Variants in SAR1A observed in about 807,000 individuals in gnomAD.
SAR1A encodes the protein secretion associated Ras related GTPase 1A.
Under a neutral mutation model 22.6 loss-of-function variants are expected in SAR1A, and 6 were observed. The observed-to-expected ratio is 0.27, with a 90% CI of 0.15 to 0.52. The LOEUF (loss-of-function observed/expected upper bound fraction) is 0.52, where lower values mean the gene tolerates loss of function less well. SAR1A is among the 20% of genes least tolerant of loss of function. SAR1A has a pLI of 0.96. For missense variants in SAR1A, 145 were observed against 245.1 expected, an observed-to-expected ratio of 0.59 and a Z score of 2.73; for synonymous variants, 70 against 82.2, an observed-to-expected ratio of 0.85 and a Z score of 0.80.
chr10:70,165,517 T>A (rs977409937), intron 1 of SAR1A, among the ~76,000 whole-genome samples: 1 of 152,120 alleles, frequency 6.6e-6, no homozygotes, highest in Non-Finnish European at 1.5e-5. Flanking sequence ...AGAAGTAACC[T>A]TAGATGTGGT....
At chr10:70,161,372 C>A in intron 3 of SAR1A, 1 of 555,946 alleles carries the variant, frequency 1.8e-6, no homozygotes, top group South Asian at 2.5e-5. Context: ...AAGCTATTTT[C>A]CACTTCTTAG....
chr10:70,152,492 G>C lies in SAR1A; in HGVS notation c.581C>G (p.Ser194Cys). 3 of 1,612,540 alleles carry C rather than the reference G, an allele frequency of 1.9e-6. No homozygotes were observed. The highest frequency in any genetic ancestry group is 2.5e-6 in the Non-Finnish European group (3 of 1,178,508). Residue 194 changes from serine to cysteine, a missense_variant, in exon 7 of 7, where the codon TCC (serine) becomes TGC (cysteine). By Grantham distance (112) the Ser-to-Cys change is moderately radical. Transcript: ENST00000373241. ...QGYGEGFRWL[S>C]QYID ...GTCCAAACATCAGTCAATATACTGG[G>C]AGAGCCAGCGGAAACCCTCGCCGTA...
rs1839355881 is a variant in SAR1A at position 70,153,872 on chromosome 10, T to C, written c.446A>G (p.Glu149Gly). The C allele has an allele frequency of 1.2e-6, 2 of 1,606,904 alleles. No individual in the cohort carries two copies. The highest frequency in any genetic ancestry group is 1.7e-6 in the Non-Finnish European group (2 of 1,177,886). Residue 149 changes from glutamate to glycine, a missense_variant, in exon 6 of 7, where the codon GAG (glutamate) becomes GGG (glycine). Around this residue, in one of 3 missense-constraint regions of SAR1A, gnomAD observed 83 missense variants for 114.7 expected, o/e 0.72. Transcript: ENST00000373241. ...TDAISEEKLR[E>G]IFGLYGQTTG... is the part of the protein sequence containing the mutation. ...GGTCTGTCCATAAAGCCCAAATATCTCACGGAGTTTTTCTTCACTGATTGC... is the reference window on the plus strand; with the variant it reads ...GGTCTGTCCATAAAGCCCAAATATCCCACGGAGTTTTTCTTCACTGATTGC...
At chr10:70,166,329 A>G (rs1326045356) in intron 1 of SAR1A, among the ~76,000 whole-genome samples, 3 of 152,256 alleles carry the variant, frequency 2.0e-5, no homozygotes, top group Non-Finnish European at 4.4e-5. Flanking sequence ...GCTGTCATCC[A>G]GTGAAGAACA....
chr10:70,164,179 C>T, intron 1 of SAR1A: 3 of 638,218 alleles, frequency 4.7e-6, no homozygotes, highest in Non-Finnish European at 8.6e-6. Context: ...TGTTTATTTG[C>T]CTTTTGTTTG....
At chr10:70,165,173 G>A (rs1200537162) in intron 1 of SAR1A, among the ~76,000 whole-genome samples, 2 of 149,434 alleles carry the variant, frequency 1.3e-5, no homozygotes, top group Non-Finnish European at 3.0e-5. Context: ...GCTGAGGCAG[G>A]AGAATGGCGT....
Position 70,160,427 on chromosome 10 carries a change from CACAA to C in SAR1A, c.244+573_244+576del, listed in dbSNP as rs1490767720. On this transcript the variant is annotated intron_variant, in intron 4 of 6. Transcript: ENST00000373241. ...AAAGAGTAAAGGGGCATGATATGCT[CACAA>C]ACAGTTCATAAAAAATAAGCATTAA... Among the ~76,000 whole-genome samples the C allele has an allele frequency of 3.3e-5, 5 of 152,056 alleles. No individual in the cohort carries two copies. The South Asian group carries it at 8.3e-4, about 25-fold the overall frequency.
intron 1 of SAR1A, among the ~76,000 whole-genome samples, chr10:70,165,125 C>G (rs1316193305): frequency 6.6e-6 from 1 of 151,752 alleles, no homozygotes; most frequent in Non-Finnish European, 1.5e-5. Context: ...ATTAGCCGGG[C>G]GTAGTGGCGG....
In SAR1A at chr10:70,161,871, C is replaced by T. The variant is rs1269748437; in HGVS notation, c.45G>A (p.Val15=). The T allele has an allele frequency of 5.6e-6, 9 of 1,613,324 alleles. No homozygotes were observed. Among genetic ancestry groups the T allele is most frequent in the Non-Finnish European group, 7.6e-6 (9 of 1,179,890 alleles). The part of the protein sequence containing the change: ...FEWIYNGFSS[V]LQFLGLYKKS... ...AAATGGCTTTACCTAGGAACTGGAG[C>T]ACACTGCTGAAGCCATTGTAGATCC... is the stretch of plus-strand genomic sequence containing the variant. Residue 15 remains valine (V), a synonymous_variant, in exon 2 of 7, where the codon GTG becomes GTA. Coordinates refer to ENST00000373241, the MANE Select transcript of SAR1A (RefSeq NM_020150.5).
chr10:70,149,249 A>G lies in SAR1A; in HGVS notation c.*3227T>C, dbSNP rs549151121. 6.6e-6 allele frequency: 1 copy of G among 152,080 alleles called. No individual in the cohort carries two copies. Among genetic ancestry groups the G allele is most frequent in the East Asian group, 1.9e-4 (1 of 5,156 alleles). The allele number at this position is 152,080 out of a possible 1,614,324, so 9.4% of individuals were successfully genotyped here. ...CCCACCGTGCCTGGCTAATTTTTGT[A>G]TTTTTAGTAGAGACGGAGCTCTGCC... On this transcript the variant is annotated 3_prime_UTR_variant, in exon 7 of 7. Coordinates refer to ENST00000373241, the MANE Select transcript of SAR1A (RefSeq NM_020150.5).
At chr10:70,157,218 C>A (rs1433013808) in intron 5 of SAR1A, among the ~76,000 whole-genome samples, 2 of 152,080 alleles carry the variant, frequency 1.3e-5, no homozygotes, top group Non-Finnish European at 2.9e-5. Flanking sequence ...ACCTGACTAA[C>A]ATGGTGAAAC....
chr10:70,154,005 GA>G, intron 5 of SAR1A, 36 bp from the exon 6 acceptor site: 1 of 1,488,792 alleles, frequency 6.7e-7, no homozygotes, highest in South Asian at 1.3e-5. Flanking sequence ...AGAAAAAAAA[GA>G]ATTAAGTGAG....
In SAR1A at chr10:70,152,192, TCAGG is replaced by T; in HGVS notation, c.*280_*283del. 1 of 462,448 alleles carries T rather than the reference TCAGG, an allele frequency of 2.2e-6. No individual in the cohort carries two copies. Among genetic ancestry groups the T allele is most frequent in the South Asian group, 2.0e-5 (1 of 49,182 alleles). 28.6% of individuals were successfully genotyped at this position (462,448 alleles called of 1,614,324 possible). A position where few individuals can be genotyped will look rare whatever the true frequency, so the allele number is the denominator to read the frequency against. ...ACAGTGGTGAGACGTGTTTTTCTTT[TCAGG>T]TGCCCCATGATGGCATACAGCTTTA... is the stretch of plus-strand genomic sequence containing the variant. On this transcript the variant is annotated 3_prime_UTR_variant, in exon 7 of 7. Coordinates refer to ENST00000373241, the MANE Select transcript of SAR1A (RefSeq NM_020150.5).
intron 1 of SAR1A, among the ~76,000 whole-genome samples, chr10:70,168,570 C>T (rs1486593224): frequency 2.6e-5 from 4 of 151,686 alleles, no homozygotes; most frequent in Non-Finnish European, 1.5e-5. Context: ...CCAGTCTGGA[C>T]AACAAGAGCA....
At chr10:70,166,844 A>T (rs990342082) in intron 1 of SAR1A, 2 of 149,764 alleles carry the variant, frequency 1.3e-5, no homozygotes, top group African/African-American at 4.9e-5. Context: ...AAAAAAAAAA[A>T]TTAAAATTAG....
At chr10:70,163,499 T>C (rs75668113) in intron 1 of SAR1A, among the ~76,000 whole-genome samples, 5,357 of 152,286 alleles carry the variant, frequency 0.035, 115 homozygotes, top group East Asian at 0.058. Context: ...CCAATATTCA[T>C]TTACCATTCT....
At chr10:70,163,704 A>G in intron 1 of SAR1A, 1 of 786,900 alleles carries the variant, frequency 1.3e-6, no homozygotes, top group Non-Finnish European at 2.3e-6. Context: ...CAACTGACTG[A>G]GGAGCAGATT....
Position 70,161,011 on chromosome 10 carries a change from G to A in SAR1A, c.237C>T (p.His79=), listed in dbSNP as rs745566456. The A allele has an allele frequency of 4.4e-5, 71 of 1,610,280 alleles. No individual in the cohort carries two copies. The highest frequency in any genetic ancestry group is 1.7e-5 in the Admixed American group (1 of 59,668). The change falls in exon 4 of 7, where the codon CAC becomes CAT. Residue 79 remains histidine, a synonymous_variant. Transcript: ENST00000373241. The part of the protein sequence containing the change: ...MTFTTFDLGG[H]EQARRVWKNY... ...CACTGAGTCATCACTTACCTTGCTC[G>A]TGCCCACCAAGATCAAAAGTTGTAA... is the stretch of plus-strand genomic sequence containing the variant.
chr10:70,157,754 C>A lies in SAR1A; in HGVS notation c.348+10G>T. On this transcript the variant is annotated intron_variant, in intron 5 of 6. Transcript: ENST00000373241. ...ATACATTAAAATACACATTAAAGGACAAAACATACATTAAGCTCAACTTTG... is the reference window on the plus strand; with the variant it reads ...ATACATTAAAATACACATTAAAGGAAAAAACATACATTAAGCTCAACTTTG... 1 of 1,600,454 alleles carries A rather than the reference C, an allele frequency of 6.2e-7. No individual in the cohort carries two copies. Among genetic ancestry groups the A allele is most frequent in the Non-Finnish European group, 8.6e-7 (1 of 1,168,320 alleles).
Sources: gnomAD v4.1 joint callset for allele counts (sites outside exome capture counted in the v4.1 genomes callset) on GRCh38, gnomAD v4.1.1 for gene constraint, gnomAD v4.1.1 regional missense constraint, MANE v1.5 for transcripts, NCBI Gene and HGNC (gene_info 2026-07-23, HGNC 2026-07-21) for gene names.